The following EYS variants were observed in gnomAD, a reference collection of about 807,000 sequenced individuals.
EYS encodes the protein EGF-like photoreceptor maintenance factor.
EYS carries 250 observed loss-of-function variants against 282.1 expected under a neutral mutation model. The ratio of observed to expected loss-of-function variants is 0.89; its 90% CI spans 0.80 to 0.98. EYS has a LOEUF of 0.98. Ranked by LOEUF, EYS falls within the 50% of genes least tolerant of loss-of-function variation. EYS has a pLI of 0.00. For missense variants in EYS, 4,016 were observed against 3,709.0 expected (o/e 1.08, Z -2.15); for synonymous variants, 1,355 against 1,282.9 (o/e 1.06, Z -1.20).
At chr6:64,507,974 A>T (rs563235750) in intron 26 of EYS, among the ~76,000 whole-genome samples, 4 of 152,204 alleles carry the variant, frequency 2.6e-5, no homozygotes, top group Non-Finnish European at 5.9e-5. Context: ...TCCTGAGTGG[A>T]ACGACAAGGT....
intron 12 of EYS, among the ~76,000 whole-genome samples, chr6:65,143,757 TC>T (rs2150210543): frequency 6.6e-6 from 1 of 152,180 alleles, no homozygotes; most frequent in East Asian, 1.9e-4. Context: ...CCACAGTATT[TC>T]CTTTTTGCAT....
intron 36 of EYS, among the ~76,000 whole-genome samples, chr6:63,847,720 C>T (rs1323085261): frequency 1.3e-5 from 2 of 152,192 alleles, no homozygotes; most frequent in Admixed American, 1.3e-4. Context: ...TTTCCAATTA[C>T]ATGATGATGC....
At chr6:65,329,387 T>C in intron 11 of EYS, 1 of 895,930 alleles carries the variant, frequency 1.1e-6, no homozygotes, top group Non-Finnish European at 1.3e-6. Context: ...TTCTATATCA[T>C]TTTACTATAA....
intron 41 of EYS, 74 bp from the exon 42 acceptor site, chr6:63,726,754 ACTG>A: frequency 7.7e-7 from 1 of 1,294,188 alleles, no homozygotes; most frequent in Non-Finnish European, 1.1e-6. Flanking sequence ...AATACAATAA[ACTG>A]CTTATGTAAT....
At chr6:63,958,321 T>C (rs1307468078) in intron 35 of EYS, among the ~76,000 whole-genome samples, 4 of 140,404 alleles carry the variant, frequency 2.8e-5, no homozygotes, top group African/African-American at 9.8e-5. Flanking sequence ...TAAATACAGA[T>C]TATGAAATAA....
intron 22 of EYS, among the ~76,000 whole-genome samples, chr6:64,676,309 AATATATCTATATATATATATCT>A (rs1275293453): frequency 1.5e-5 from 2 of 131,926 alleles, no homozygotes; most frequent in Non-Finnish European, 1.7e-5. Flanking sequence ...ATCTATATCC[AATATATCTATATATATATATCT>A]ATATATCTAT....
chr6:63,820,811 G>A (rs1158466015), intron 36 of EYS, among the ~76,000 whole-genome samples: 1 of 152,026 alleles, frequency 6.6e-6, no homozygotes, highest in South Asian at 2.1e-4. Context: ...ATCTTACTAT[G>A]CCAGTACCAC....
intron 41 of EYS, among the ~76,000 whole-genome samples, chr6:63,736,490 C>G (rs1240429035): frequency 2.0e-5 from 3 of 151,928 alleles, no homozygotes; most frequent in African/African-American, 7.3e-5. Context: ...GTTACTGTAG[C>G]CTTGTAGTAT....
Position 64,435,121 on chromosome 6 carries a change from G to A in EYS, c.5927+1053C>T, listed in dbSNP as rs538882307. 6.2e-4 allele frequency among the ~76,000 whole-genome samples: 94 copies of A among 152,162 alleles called. 1 individual carries two copies. The highest frequency in any genetic ancestry group is 1.0e-3 in the Non-Finnish European group (69 of 67,978). ...TAAAATGATGAGAAAGATATTAAAT[G>A]TGTGTCTGTGTCATGGCACTTTTAA... On this transcript the variant is annotated intron_variant, in intron 28 of 42. Transcript: ENST00000503581.
chr6:65,323,920 A>G (rs1200227058), intron 11 of EYS, among the ~76,000 whole-genome samples: 1 of 151,940 alleles, frequency 6.6e-6, no homozygotes, highest in Non-Finnish European at 1.5e-5. Context: ...CTAAGGTTCT[A>G]TTTAATCTAT....
At position 65,402,645 on chromosome 6, in the gene EYS, GA is replaced by G. The variant is rs759506944; in HGVS notation, c.1057-41del. On this transcript the variant is annotated intron_variant, in intron 6 of 42. Coordinates refer to ENST00000503581, the MANE Select transcript of EYS (RefSeq NM_001142800.2). ...AAAAATATTTTTACAAAGTATTATG[GA>G]TATTTCAAAGGTAATGAATGGGTTC... 5.1e-5 allele frequency: 72 copies of G among 1,408,196 alleles called. No homozygotes were observed. The African/African-American group carries it at 9.1e-4, about 18-fold the overall frequency. 87.2% of individuals were successfully genotyped at this position (1,408,196 alleles called of 1,614,324 possible).
chr6:64,336,048 C>T (rs182574272), intron 29 of EYS, among the ~76,000 whole-genome samples: 44 of 151,910 alleles, frequency 2.9e-4, no homozygotes, highest in Admixed American at 9.2e-4. Context: ...TCACACATGA[C>T]GTATAAAATG....
chr6:65,447,332 G>GGA (rs1768704412), intron 5 of EYS, among the ~76,000 whole-genome samples: 1 of 140,246 alleles, frequency 7.1e-6, no homozygotes, highest in African/African-American at 2.6e-5. Context: ...ATATGTGTGT[G>GGA]TATATATATA....
chr6:64,164,251 G>T (rs1775198558), intron 31 of EYS, among the ~76,000 whole-genome samples: 1 of 152,032 alleles, frequency 6.6e-6, no homozygotes, highest in Non-Finnish European at 1.5e-5. Context: ...TTGTTTTTTA[G>T]TTGCTTTAAA....
At chr6:65,412,436 T>C (rs1767058081) in intron 5 of EYS, among the ~76,000 whole-genome samples, 1 of 152,200 alleles carries the variant, frequency 6.6e-6, no homozygotes, top group Admixed American at 6.5e-5. Context: ...GCTGTACTAG[T>C]TTACATTTTC....
At chr6:65,195,964 C>T (rs944591204) in intron 12 of EYS, among the ~76,000 whole-genome samples, 7 of 151,990 alleles carry the variant, frequency 4.6e-5, no homozygotes, top group South Asian at 2.1e-4. Flanking sequence ...GCCAGTCATC[C>T]ACCTAGCATG....
chr6:64,121,776 C>A (rs952060485), intron 31 of EYS, among the ~76,000 whole-genome samples: 1 of 152,106 alleles, frequency 6.6e-6, no homozygotes, highest in African/African-American at 2.4e-5. Flanking sequence ...AGGTGTGACA[C>A]CATTTTTCTT....
chr6:63,869,492 C>T (rs1275341740), intron 35 of EYS, among the ~76,000 whole-genome samples: 1 of 152,150 alleles, frequency 6.6e-6, no homozygotes, highest in Non-Finnish European at 1.5e-5. Context: ...AAAGAGATAT[C>T]TTTTCCATAT....
At chr6:64,039,957 T>A (rs1770306466) in intron 33 of EYS, among the ~76,000 whole-genome samples, 1 of 152,202 alleles carries the variant, frequency 6.6e-6, no homozygotes, top group African/African-American at 2.4e-5. Context: ...TACTTAAATA[T>A]GTTCTTAGAA....
Sources: gnomAD v4.1 joint callset for allele counts (sites outside exome capture counted in the v4.1 genomes callset) on GRCh38, gnomAD v4.1.1 for gene constraint, MANE v1.5 for transcripts, NCBI Gene and HGNC (gene_info 2026-07-23, HGNC 2026-07-21) for gene names.